FHIP1A: variants seen among roughly 807,000 people sequenced by gnomAD.
FHIP1A encodes FHF complex subunit HOOK interacting protein 1A.
In FHIP1A, 61 loss-of-function variants were observed where a neutral mutation model predicts 88.6. The observed-to-expected ratio is 0.69, with a 90% CI of 0.56 to 0.85. The LOEUF (loss-of-function observed/expected upper bound fraction) is 0.85. Among genes scored for constraint, FHIP1A ranks in the 40% least tolerant of loss-of-function variants. FHIP1A has a pLI of 0.00. For synonymous variants in FHIP1A, 478 were observed against 496.0 expected (o/e 0.96, Z 0.48); for missense variants, 1,154 against 1,273.5 (o/e 0.91, Z 1.43).
At chr4:151,645,456 G>C (rs1479095589) in intron 9 of FHIP1A, among the ~76,000 whole-genome samples, 2 of 151,990 alleles carry the variant, frequency 1.3e-5, no homozygotes, top group African/African-American at 4.8e-5. Context: ...ATGGGAGATG[G>C]TTGAATGTTT....
intron 1 of FHIP1A, among the ~76,000 whole-genome samples, chr4:151,418,722 T>C (rs1732994661): frequency 6.6e-6 from 1 of 152,206 alleles, no homozygotes; most frequent in Admixed American, 6.5e-5. Context: ...AACCAGTTCC[T>C]GCTGGATAGG....
At chr4:151,624,937 C>A (rs998694251) in intron 7 of FHIP1A, among the ~76,000 whole-genome samples, 1 of 152,156 alleles carries the variant, frequency 6.6e-6, no homozygotes, top group Non-Finnish European at 1.5e-5. Context: ...AGAACCAGGG[C>A]GTCTGTCTTC....
chr4:151,432,430 G>C (rs1418890341), intron 1 of FHIP1A, among the ~76,000 whole-genome samples: 2 of 152,284 alleles, frequency 1.3e-5, no homozygotes, highest in Middle Eastern at 3.4e-3. Context: ...TGAGAATATA[G>C]TTGTGAACAA....
At chr4:151,544,185 A>G (rs756080161) in intron 3 of FHIP1A, among the ~76,000 whole-genome samples, 1 of 152,246 alleles carries the variant, frequency 6.6e-6, no homozygotes, top group Non-Finnish European at 1.5e-5. Flanking sequence ...CATATTTTGA[A>G]GATAAAGTGA....
intron 10 of FHIP1A, among the ~76,000 whole-genome samples, chr4:151,647,344 CA>C (rs1736837858): frequency 6.6e-6 from 1 of 152,156 alleles, no homozygotes; most frequent in Non-Finnish European, 1.5e-5. Context: ...CTCTGGCAGG[CA>C]GCTAGAGCAA....
chr4:151,655,653 C>T (rs990466525), intron 11 of FHIP1A, among the ~76,000 whole-genome samples: 2 of 152,104 alleles, frequency 1.3e-5, no homozygotes, highest in Non-Finnish European at 2.9e-5. Flanking sequence ...TATTGTTCCA[C>T]ATTACGACAC....
intron 3 of FHIP1A, among the ~76,000 whole-genome samples, chr4:151,520,942 T>C (rs1486370230): frequency 6.6e-6 from 1 of 152,216 alleles, no homozygotes; most frequent in East Asian, 1.9e-4. Context: ...TGTTGCAAGA[T>C]TGAAAATGGG....
chr4:151,476,891 A>G (rs955719220), intron 2 of FHIP1A, among the ~76,000 whole-genome samples: 1 of 152,198 alleles, frequency 6.6e-6, no homozygotes, highest in African/African-American at 2.4e-5. Context: ...GGCCATTAGC[A>G]TAAAAAGGAT....
At position 151,426,187 on chromosome 4, in the gene FHIP1A, A is replaced by G. The variant is rs558495809; in HGVS notation, c.-356+16722A>G. On this transcript the variant is annotated intron_variant, in intron 1 of 13. Coordinates refer to ENST00000435205, the MANE Select transcript of FHIP1A (RefSeq NM_001109977.3). ...TTCATTGTTAACTCTGAGCTGGGTG[A>G]TGATAGTTCATTGTATGGGTCTCTC... Among the ~76,000 whole-genome samples the G allele has an allele frequency of 3.3e-5, 5 of 152,268 alleles. No homozygotes were observed. In the South Asian group the frequency reaches 1.0e-3, roughly 32 times the overall value.
At chr4:151,499,412 C>A (rs983087600) in intron 3 of FHIP1A, among the ~76,000 whole-genome samples, 2 of 152,202 alleles carry the variant, frequency 1.3e-5, no homozygotes, top group African/African-American at 4.8e-5. Flanking sequence ...CTGCCCAGTA[C>A]AAGTTCAGCC....
intron 8 of FHIP1A, among the ~76,000 whole-genome samples, chr4:151,635,782 G>A (rs1290589279): frequency 6.6e-6 from 1 of 151,912 alleles, no homozygotes; most frequent in Non-Finnish European, 1.5e-5. Flanking sequence ...TTTGCAAAAT[G>A]TAAATGTTTT....
At chr4:151,558,686 T>G (rs1034915425) in intron 3 of FHIP1A, among the ~76,000 whole-genome samples, 1 of 152,240 alleles carries the variant, frequency 6.6e-6, no homozygotes, top group African/African-American at 2.4e-5. Flanking sequence ...TTTGACCGAT[T>G]TCGTTGTTCC....
At chr4:151,480,009 G>A (rs997709069) in intron 2 of FHIP1A, among the ~76,000 whole-genome samples, 2 of 152,086 alleles carry the variant, frequency 1.3e-5, no homozygotes, top group Non-Finnish European at 2.9e-5. Context: ...AGATTTGAGT[G>A]TGACTGAATT....
Position 151,482,793 on chromosome 4 carries a change from T to C in FHIP1A, c.-123+145T>C, listed in dbSNP as rs561308696. ...TGTTTAAAATGTCTTAGGGAGAGGC[T>C]GTACTCTATCCTCTATGTGAAGCAT... On this transcript the variant is annotated intron_variant, in intron 3 of 13. Transcript: ENST00000435205. 6.6e-5 allele frequency: 10 copies of C among 152,226 alleles called. No homozygotes were observed. The South Asian group carries it at 2.1e-3, about 32-fold the overall frequency. The allele number at this position is 152,226 out of a possible 1,614,324, so 9.4% of individuals were successfully genotyped here.
chr4:151,578,605 G>A (rs1358746657), intron 5 of FHIP1A, among the ~76,000 whole-genome samples: 13 of 152,140 alleles, frequency 8.5e-5, no homozygotes, highest in Admixed American at 8.5e-4. Flanking sequence ...AACAAATGCT[G>A]GCAAGATGTG....
chr4:151,662,143 G>T (rs944714817), intron 13 of FHIP1A, among the ~76,000 whole-genome samples: 3 of 152,186 alleles, frequency 2.0e-5, no homozygotes, highest in African/African-American at 7.2e-5. Context: ...ACTACTCATC[G>T]CCCCTTAATA....
intron 1 of FHIP1A, among the ~76,000 whole-genome samples, chr4:151,441,034 T>C (rs1728393172): frequency 6.6e-6 from 1 of 152,166 alleles, no homozygotes; most frequent in African/African-American, 2.4e-5. Context: ...TACGCCAGCT[T>C]CTCAGCCCTC....
chr4:151,562,592 A>G (rs959114088), intron 3 of FHIP1A, among the ~76,000 whole-genome samples: 3 of 152,196 alleles, frequency 2.0e-5, no homozygotes, highest in African/African-American at 7.2e-5. Flanking sequence ...TCCCTTAAGA[A>G]TTTTTAAAAA....
chr4:151,441,766 G>C (rs1413148561), intron 1 of FHIP1A, among the ~76,000 whole-genome samples: 1 of 152,032 alleles, frequency 6.6e-6, no homozygotes, highest in East Asian at 1.9e-4. Flanking sequence ...ATTTTTTCTT[G>C]TTCTGTGCAG....
Sources: gnomAD v4.1 joint callset for allele counts (sites outside exome capture counted in the v4.1 genomes callset) on GRCh38, gnomAD v4.1.1 for gene constraint, MANE v1.5 for transcripts, NCBI Gene and HGNC (gene_info 2026-07-23, HGNC 2026-07-21) for gene names.